The following CSMD1 variants were observed in gnomAD, a reference collection of about 807,000 sequenced individuals.
The protein encoded by CSMD1 is CUB and sushi domain-containing protein 1.
In CSMD1, 213 loss-of-function variants were observed where a neutral mutation model predicts 417.5. The ratio of observed to expected loss-of-function variants is 0.51; its 90% CI spans 0.46 to 0.57. The LOEUF is 0.57. CSMD1 is among the 20% of genes least tolerant of loss of function. The pLI, the probability that CSMD1 is intolerant of heterozygous loss-of-function variation, is 0.00. For missense variants in CSMD1, 6,923 were observed against 4,529.7 expected, an observed-to-expected ratio of 1.53 and a Z score of -15.17; for synonymous variants, 2,862 against 1,736.8, an observed-to-expected ratio of 1.65 and a Z score of -16.11.
chr8:3,254,944 G>C (rs144656221), intron 26 of CSMD1, among the ~76,000 whole-genome samples: 13,833 of 152,190 alleles, frequency 0.091, 860 homozygotes, highest in Non-Finnish European at 0.13. Flanking sequence ...GAGGAGAGGT[G>C]CTCTGATTTT....
chr8:4,038,760 C>T (rs1000020807), intron 3 of CSMD1, among the ~76,000 whole-genome samples: 10 of 152,158 alleles, frequency 6.6e-5, no homozygotes, highest in African/African-American at 2.2e-4. Context: ...CATTTGGTAA[C>T]GTGAAAGGAT....
intron 7 of CSMD1, among the ~76,000 whole-genome samples, chr8:3,697,551 TAACA>T (rs1433349248): frequency 4.6e-5 from 7 of 152,328 alleles, no homozygotes; most frequent in Non-Finnish European, 8.8e-5. Flanking sequence ...AGTTACTCAC[TAACA>T]AAGACTTGCT....
At chr8:4,319,080 C>T (rs1799109939) in intron 3 of CSMD1, among the ~76,000 whole-genome samples, 1 of 152,110 alleles carries the variant, frequency 6.6e-6, no homozygotes, top group African/African-American at 2.4e-5. Context: ...CATTAGTAGT[C>T]CTCACATATA....
chr8:3,685,429 C>T (rs565482341), intron 7 of CSMD1, among the ~76,000 whole-genome samples: 9 of 152,264 alleles, frequency 5.9e-5, no homozygotes, highest in African/African-American at 1.7e-4. Flanking sequence ...ACTGAGATCA[C>T]GATTACTGCC....
intron 5 of CSMD1, among the ~76,000 whole-genome samples, chr8:3,763,516 T>A (rs1432626960): frequency 6.6e-6 from 1 of 152,176 alleles, no homozygotes; most frequent in African/African-American, 2.4e-5. Context: ...CTCTACCTTC[T>A]ACTGTGAATA....
intron 1 of CSMD1, among the ~76,000 whole-genome samples, chr8:4,806,404 C>A (rs534850716): frequency 6.6e-6 from 1 of 152,238 alleles, no homozygotes; most frequent in South Asian, 2.1e-4. Context: ...AAGCAAAGTT[C>A]TTTGCCATAA....
chr8:4,352,224 A>G (rs1801140556), intron 3 of CSMD1, among the ~76,000 whole-genome samples: 1 of 152,208 alleles, frequency 6.6e-6, no homozygotes. Context: ...AGCTAATGCA[A>G]TTGTAAGCAC....
At chr8:3,467,681 T>G (rs1279310108) in intron 12 of CSMD1, among the ~76,000 whole-genome samples, 1 of 152,160 alleles carries the variant, frequency 6.6e-6, no homozygotes, top group Non-Finnish European at 1.5e-5. Context: ...CCTTTAATAT[T>G]GTGACCCTTT....
At chr8:3,434,370 C>G (rs1262856700) in intron 12 of CSMD1, among the ~76,000 whole-genome samples, 1 of 152,124 alleles carries the variant, frequency 6.6e-6, no homozygotes, top group Admixed American at 6.6e-5. Flanking sequence ...GATTTTATGA[C>G]TTTTCCATTT....
In CSMD1 at chr8:3,726,769, T is replaced by G. The variant is rs1053413652; in HGVS notation, c.932-18278A>C. ...TCCAGTTCTCATTCCTGAGCCTTATTCTTAGCATGCCCTCTGATGGAAATG... is the reference window on the plus strand; with the variant it reads ...TCCAGTTCTCATTCCTGAGCCTTATGCTTAGCATGCCCTCTGATGGAAATG... On this transcript the variant is annotated intron_variant, in intron 6 of 69. Coordinates refer to ENST00000635120, the MANE Select transcript of CSMD1 (RefSeq NM_033225.6). Among the ~76,000 whole-genome samples, 5 of 152,194 alleles carry G rather than the reference T, an allele frequency of 3.3e-5. No homozygotes were observed. The South Asian group carries it at 1.0e-3, about 31-fold the overall frequency.
chr8:3,418,828 G>C (rs931057975), intron 12 of CSMD1, among the ~76,000 whole-genome samples: 1 of 152,144 alleles, frequency 6.6e-6, no homozygotes, highest in African/African-American at 2.4e-5. Context: ...CATTTTAAAG[G>C]ATAGAATTTT....
intron 3 of CSMD1, among the ~76,000 whole-genome samples, chr8:4,358,805 A>G (rs1402688150): frequency 2.0e-5 from 3 of 152,194 alleles, no homozygotes; most frequent in South Asian, 2.1e-4. Context: ...AAGGGTAAAC[A>G]AGTTATAAAT....
chr8:3,709,680 G>GGCTTTTTTTTT lies in CSMD1; in HGVS notation c.932-1190_932-1189insAAAAAAAAAGC, dbSNP rs1554518393. Among the ~76,000 whole-genome samples, 65 of 33,692 alleles carry GGCTTTTTTTTT rather than the reference G, an allele frequency of 1.9e-3. 5 individuals carry two copies. Among genetic ancestry groups the GGCTTTTTTTTT allele is most frequent in the African/African-American group, 6.8e-3 (64 of 9,444 alleles). 22.1% of individuals were successfully genotyped at this position (33,692 alleles called of 152,430 possible). A position where few individuals can be genotyped will look rare whatever the true frequency, so the allele number is the denominator to read the frequency against. On this transcript the variant is annotated intron_variant, in intron 6 of 69. Transcript: ENST00000635120. ...GATGGGCTTTAAATTGCAGCAGCAT[G>GGCTTTTTTTTT]TTTTTTTTTTTTTTTTTTTTTTTTT...
chr8:4,144,760 G>T lies in CSMD1; in HGVS notation c.416-112661C>A, dbSNP rs551573134. ...CTTTCTAGAGACTTCTCAGACATAG[G>T]AGAACAGGAATGATGGATTTACCAG... On this transcript the variant is annotated intron_variant, in intron 3 of 69. Transcript: ENST00000635120. Among the ~76,000 whole-genome samples, 245 of 151,020 alleles carry T rather than the reference G, an allele frequency of 1.6e-3. 20 individuals carry two copies. The highest frequency in any genetic ancestry group is 5.9e-3 in the African/African-American group (240 of 40,496).
intron 10 of CSMD1, among the ~76,000 whole-genome samples, chr8:3,516,150 G>C (rs1277317546): frequency 6.6e-6 from 1 of 152,154 alleles, no homozygotes; most frequent in African/African-American, 2.4e-5. Context: ...TATGCATTTT[G>C]ATTTCAAAGA....
intron 1 of CSMD1, among the ~76,000 whole-genome samples, chr8:4,831,032 G>A (rs772765268): frequency 6.6e-5 from 10 of 152,158 alleles, no homozygotes; most frequent in Non-Finnish European, 1.5e-4. Flanking sequence ...GTGAATAACA[G>A]GATGATCTAC....
At chr8:4,256,673 A>G (rs1262523518) in intron 3 of CSMD1, among the ~76,000 whole-genome samples, 1 of 152,104 alleles carries the variant, frequency 6.6e-6, no homozygotes, top group African/African-American at 2.4e-5. Context: ...ATGTGACTGC[A>G]GGAAGAATCC....
intron 18 of CSMD1, among the ~76,000 whole-genome samples, chr8:3,371,361 T>G (rs1809934706): frequency 6.6e-6 from 1 of 152,130 alleles, no homozygotes; most frequent in South Asian, 2.1e-4. Context: ...CACAGCTCAT[T>G]CCTGCTTGCT....
chr8:3,750,533 C>A (rs1201036757), intron 6 of CSMD1, among the ~76,000 whole-genome samples: 1 of 152,060 alleles, frequency 6.6e-6, no homozygotes, highest in South Asian at 2.1e-4. Context: ...TTTGTTGGCA[C>A]AAATAATATC....
Sources: allele counts gnomAD v4.1 joint callset (sites outside exome capture counted in the v4.1 genomes callset), GRCh38; gene constraint gnomAD v4.1.1; transcripts MANE v1.5; gene names NCBI Gene and HGNC (gene_info 2026-07-23, HGNC 2026-07-21).